Variants in POLE observed in about 807,000 individuals in gnomAD.
POLE encodes the protein DNA polymerase epsilon, catalytic subunit.
Under a neutral mutation model 279.2 loss-of-function variants are expected in POLE, and 188 were observed. The ratio of observed to expected loss-of-function variants is 0.67; its 90% CI spans 0.60 to 0.76. The LOEUF (loss-of-function observed/expected upper bound fraction) is 0.76, where lower values mean the gene tolerates loss of function less well. Among genes scored for constraint, POLE ranks in the 30% least tolerant of loss-of-function variants. The pLI is 0.00. For missense variants in POLE, 2,703 were observed against 3,016.7 expected (o/e 0.90, Z 2.44); for synonymous variants, 1,214 against 1,172.5 (o/e 1.04, Z -0.72).
Position 132,641,624 on chromosome 12 carries a change from C to G in POLE, c.5378+23G>C, listed in dbSNP as rs5744956. On this transcript the variant is annotated intron_variant, in intron 39 of 48. Coordinates refer to ENST00000320574, the MANE Select transcript of POLE (RefSeq NM_006231.4). ...GGATAAGACCCTTCTATTAGTAACACTCCTTCCCAGAGAGGGTGGCACCTG... is the reference window on the plus strand; with the variant it reads ...GGATAAGACCCTTCTATTAGTAACAGTCCTTCCCAGAGAGGGTGGCACCTG... 1.4e-3 allele frequency: 2,173 copies of G among 1,600,970 alleles called. 33 individuals are homozygous for G. The African/African-American group carries it at 0.026, about 19-fold the overall frequency.
At chr12:132,627,523 T>G (rs995323161) in intron 45 of POLE, among the ~76,000 whole-genome samples, 3 of 150,780 alleles carry the variant, frequency 2.0e-5, no homozygotes, top group Non-Finnish European at 4.5e-5. Context: ...GGTCTTGAAC[T>G]GCTGGGCTCA....
In POLE at chr12:132,675,339, G is replaced by C. The variant is rs1593076505; in HGVS notation, c.1226+59C>G. The C allele has an allele frequency of 1.9e-6, 3 of 1,586,602 alleles. No homozygotes were observed. In the East Asian group the frequency reaches 6.7e-5, roughly 36 times the overall value. On this transcript the variant is annotated intron_variant, in intron 12 of 48. Coordinates refer to ENST00000320574, the MANE Select transcript of POLE (RefSeq NM_006231.4). The surrounding 1 kb of genome is among the most constrained non-coding windows in gnomAD (Gnocchi z 4.3). ...TGTGGTGACAGCACAGTCTGCAAGA[G>C]GCCTTCAGATCTCGCTCACGGACAG...
rs1289908187 is a variant in POLE at position 132,634,314 on chromosome 12, C to T, written c.5876G>A (p.Arg1959Lys). The change falls in exon 43 of 49, where the codon AGA (arginine) becomes AAA (lysine). Residue 1959 changes from arginine (R) to lysine (K), a missense_variant. By Grantham distance (26) the Arg-to-Lys change is conservative. This residue lies in a region of POLE where 1,551 missense variants were observed against 1,686.1 expected (regional missense o/e 0.92). Coordinates refer to ENST00000320574, the MANE Select transcript of POLE (RefSeq NM_006231.4). This position sits in a 1 kb window ranked among gnomAD's most constrained non-coding sequence, Gnocchi z 4.0. ...EQENEDDEEE[R>K]DGEEEEEAEE... The stretch of plus-strand genomic sequence containing the variant: ...CGCCTCTTCCTCCTCCTCCCCATCT[C>T]TTTCCTCCTCATCGTCCTCATTTTC... The T allele has an allele frequency of 6.2e-7, 1 of 1,614,154 alleles. No individual in the cohort carries two copies. Among genetic ancestry groups the T allele is most frequent in the Non-Finnish European group, 8.5e-7 (1 of 1,179,966 alleles).
intron 40 of POLE, chr12:132,638,512 G>A (rs540229570): frequency 2.9e-5 from 5 of 169,562 alleles, no homozygotes; most frequent in Non-Finnish European, 6.4e-5. Context: ...AGTTAAGACT[G>A]CACCAAGAAG....
chr12:132,649,958 G>C (rs2042386655), intron 29 of POLE, 69 bp from the exon 30 acceptor site: 11 of 1,420,894 alleles, frequency 7.7e-6, no homozygotes, highest in Admixed American at 1.9e-5. Flanking sequence ...TGCCTGGAAT[G>C]CCAGCACTTT....
At chr12:132,670,395 C>T (rs1593796006) in intron 16 of POLE, among the ~76,000 whole-genome samples, 2 of 151,518 alleles carry the variant, frequency 1.3e-5, no homozygotes, top group South Asian at 2.1e-4. Flanking sequence ...AGACGTCTCG[C>T]CACCACGCCT....
chr12:132,641,202 G>C (rs982299210), intron 39 of POLE: 2 of 389,616 alleles, frequency 5.1e-6, no homozygotes, highest in African/African-American at 2.1e-5. Flanking sequence ...CCGCTGGTGG[G>C]TAATGCGAGT....
At position 132,657,124 on chromosome 12, in the gene POLE, C is replaced by A. The variant is rs1252638342; in HGVS notation, c.3582+12G>T. On this transcript the variant is annotated intron_variant, in intron 29 of 48. Coordinates refer to ENST00000320574, the MANE Select transcript of POLE (RefSeq NM_006231.4). Reference sequence around the variant, plus strand: ...GATCCCGCCCAGCCCAGCCTTGGGGCCCCACCGTCACCTGTCTCCTGCCCT... The same window carrying A: ...GATCCCGCCCAGCCCAGCCTTGGGGACCCACCGTCACCTGTCTCCTGCCCT... 6.2e-7 allele frequency: 1 copy of A among 1,613,464 alleles called. No homozygotes were observed. The highest frequency in any genetic ancestry group is 8.5e-7 in the Non-Finnish European group (1 of 1,179,692).
intron 32 of POLE, 67 bp from the exon 33 acceptor site, chr12:132,644,044 A>T: frequency 6.6e-7 from 1 of 1,525,518 alleles, no homozygotes; most frequent in Non-Finnish European, 8.9e-7. Context: ...ACACACACAA[A>T]GCACACGCTA....
intron 1 of POLE, among the ~76,000 whole-genome samples, chr12:132,681,564 C>T: frequency 6.6e-6 from 1 of 152,046 alleles, no homozygotes; most frequent in South Asian, 2.1e-4. Flanking sequence ...AGGATGGTCT[C>T]GATCTCCTGA....
chr12:132,642,444 G>A, intron 37 of POLE, 47 bp from the exon 38 acceptor site: 2 of 1,598,178 alleles, frequency 1.3e-6, no homozygotes, highest in Non-Finnish European at 1.7e-6. Flanking sequence ...CCGGGTCACA[G>A]AGACCACCGA....
At chr12:132,638,838 T>C (rs1490628845) in intron 40 of POLE, 4 of 395,954 alleles carry the variant, frequency 1.0e-5, no homozygotes, top group African/African-American at 6.0e-5. Context: ...CACAGGCATA[T>C]TTTCACTAAA....
At position 132,668,550 on chromosome 12, in the gene POLE, C is replaced by T. The variant is rs997954537; in HGVS notation, c.2027-48G>A. ...AAGTTCAAAAGGAGGCACAGACACACCGGCTTCCCACCAAGTGGAGAAAGG... is the reference window on the plus strand; with the variant it reads ...AAGTTCAAAAGGAGGCACAGACACATCGGCTTCCCACCAAGTGGAGAAAGG... On this transcript the variant is annotated intron_variant, in intron 18 of 48. Transcript: ENST00000320574. This position sits in a 1 kb window ranked among gnomAD's most constrained non-coding sequence, Gnocchi z 4.0. 4.4e-6 allele frequency: 7 copies of T among 1,581,010 alleles called. No individual in the cohort carries two copies. The African/African-American group carries it at 9.4e-5, about 21-fold the overall frequency.
At chr12:132,682,455 GC>G (rs2043191081) in intron 1 of POLE, among the ~76,000 whole-genome samples, 1 of 151,914 alleles carries the variant, frequency 6.6e-6, no homozygotes. Flanking sequence ...CTGCACTCCA[GC>G]CTGGGTGACA....
intron 38 of POLE, 80 bp from the exon 39 acceptor site, chr12:132,641,931 C>A: frequency 1.5e-6 from 2 of 1,355,362 alleles, no homozygotes; most frequent in South Asian, 1.2e-5. Flanking sequence ...CTCCAGCCAC[C>A]ACCACCTCCA....
chr12:132,672,650 C>T lies in POLE; in HGVS notation c.1663G>A (p.Asp555Asn), dbSNP rs778763440. The T allele has an allele frequency of 5.6e-6, 9 of 1,614,106 alleles. No individual in the cohort carries two copies. In the East Asian group the frequency reaches 6.7e-5, roughly 12 times the overall value. Residue 555 changes from aspartate (D) to asparagine (N), a missense_variant, in exon 15 of 49, where the codon GAT becomes AAT. By Grantham distance (23) the Asp-to-Asn change is conservative (BLOSUM62 1). Transcript: ENST00000320574. Reference protein sequence around the residue: ...EALESGVFRSDIPCRFRMNPA... With the variant: ...EALESGVFRSNIPCRFRMNPA... ...ACCATCCTAAACCGGCAAGGGATAT[C>T]GCTGCGGAAAACCCCAGACTCGAGG...
chr12:132,673,314 A>C, intron 13 of POLE, 37 bp from the exon 14 acceptor site: 1 of 1,416,106 alleles, frequency 7.1e-7, no homozygotes, highest in African/African-American at 1.4e-5. Context: ...GCCATCAAAA[A>C]TCAAGAGCCC....
In POLE at chr12:132,671,445, C is replaced by T. The variant is rs756636711; in HGVS notation, c.1794+770G>A. Reference sequence around the variant, plus strand: ...CAGCACTTTGGGAGGCCAAGGCAGGCGGATCACAAGGTCAGGAGTTCAAGA... The same window carrying T: ...CAGCACTTTGGGAGGCCAAGGCAGGTGGATCACAAGGTCAGGAGTTCAAGA... On this transcript the variant is annotated intron_variant, in intron 16 of 48. Transcript: ENST00000320574. Among the ~76,000 whole-genome samples the T allele has an allele frequency of 4.0e-5, 6 of 151,036 alleles. 1 individual carries two copies. The highest frequency in any genetic ancestry group is 8.8e-5 in the Non-Finnish European group (6 of 67,958).
At chr12:132,627,804 TGA>T (rs1296808214) in intron 45 of POLE, among the ~76,000 whole-genome samples, 1 of 152,212 alleles carries the variant, frequency 6.6e-6, no homozygotes, top group East Asian at 1.9e-4. Flanking sequence ...GTGGTATTGC[TGA>T]GAGTTGGGGT....
Sources: gnomAD v4.1 joint callset for allele counts (sites outside exome capture counted in the v4.1 genomes callset) on GRCh38, gnomAD v4.1.1 for gene constraint, gnomAD v4.1.1 regional missense constraint, Gnocchi (gnomAD v3.1) non-coding constraint, MANE v1.5 for transcripts, NCBI Gene and HGNC (gene_info 2026-07-23, HGNC 2026-07-21) for gene names.